Variants in TMEM175 observed in about 807,000 individuals in gnomAD.
TMEM175 encodes transmembrane protein 175.
In TMEM175, 36 loss-of-function variants were observed where a neutral mutation model predicts 36.5. The observed-to-expected ratio is 0.99, with a 90% CI of 0.76 to 1.30. TMEM175 has a LOEUF of 1.30. Among genes scored for constraint, TMEM175 ranks in the 50% most tolerant of loss-of-function variants. TMEM175 has a pLI of 0.00. For synonymous variants in TMEM175, 339 were observed against 313.4 expected (o/e 1.08, Z -0.86); for missense variants, 705 against 692.8 (o/e 1.02, Z -0.20).
chr4:955,843 C>T lies in TMEM175; in HGVS notation c.795C>T (p.Ser265=), dbSNP rs756642140. ...GCAAGGAGCGCGTGGAAGCCTTCAG[C>T]GACGGAGTCTACGCCATCGTGGCCA... ...PLSKERVEAF[S]DGVYAIVATL... Residue 265 remains serine, a synonymous_variant, in exon 10 of 11, where the codon AGC becomes AGT. Coordinates refer to ENST00000264771, the MANE Select transcript of TMEM175 (RefSeq NM_032326.4). 2.5e-5 allele frequency: 40 copies of T among 1,613,978 alleles called. No homozygotes were observed. The highest frequency in any genetic ancestry group is 3.1e-5 in the Non-Finnish European group (37 of 1,180,020).
chr4:955,464 G>A lies in TMEM175; in HGVS notation c.687G>A (p.Trp229Ter). The change falls in exon 9 of 11, where the codon TGG becomes TGA. Residue 229 changes from tryptophan (W) to a stop codon, truncating the protein, a stop_gained. Transcript: ENST00000264771. LOFTEE classifies it high-confidence loss of function. ...CCTATGTCAGCAAGGTCACCGGCTG[G>A]TGCAGAGACAGGCTCCTGGGTAGGT... ...LLPYVSKVTG[W>*]CRDRLLGHRE... 1 of 1,614,126 alleles carries A rather than the reference G, an allele frequency of 6.2e-7. No homozygotes were observed. The highest frequency in any genetic ancestry group is 8.5e-7 in the Non-Finnish European group (1 of 1,179,996).
chr4:950,493 A>C lies in TMEM175; in HGVS notation c.265A>C (p.Thr89Pro), dbSNP rs1303330651. Residue 89 changes from threonine to proline, a missense_variant, in exon 4 of 11, where the codon ACA becomes CCA. Coordinates refer to ENST00000264771, the MANE Select transcript of TMEM175 (RefSeq NM_032326.4). ...AVYLMTFLIV[T>P]VAWAAHTRLF... ...CTACCTGATGACCTTTCTCATCGTG[A>C]CAGTGGCCTGGGCAGCACACACAAG... is the stretch of plus-strand genomic sequence containing the variant. 1 of 1,614,018 alleles carries C rather than the reference A, an allele frequency of 6.2e-7. No homozygotes were observed. The highest frequency in any genetic ancestry group is 8.5e-7 in the Non-Finnish European group (1 of 1,179,986).
At chr4:945,294 C>T (rs1727998162) in intron 1 of TMEM175, among the ~76,000 whole-genome samples, 1 of 151,430 alleles carries the variant, frequency 6.6e-6, no homozygotes. Context: ...TTCCCCAGGC[C>T]CCCGCCGTCT....
At chr4:957,065 G>A (rs1238123389) in intron 10 of TMEM175, among the ~76,000 whole-genome samples, 3 of 152,318 alleles carry the variant, frequency 2.0e-5, no homozygotes, top group Middle Eastern at 3.4e-3. Context: ...GCGTGGGGCC[G>A]GGACAGTGAC....
chr4:933,946 A>G (rs1044032957), intron 1 of TMEM175, among the ~76,000 whole-genome samples: 1 of 152,236 alleles, frequency 6.6e-6, no homozygotes, highest in Non-Finnish European at 1.5e-5. Flanking sequence ...TGCTTACAAC[A>G]CCCTTTTCTG....
chr4:958,039 G>T lies in TMEM175; in HGVS notation c.1058G>T (p.Gly353Val). The T allele has an allele frequency of 6.2e-7, 1 of 1,611,244 alleles. No homozygotes were observed. The highest frequency in any genetic ancestry group is 1.6e-4 in the Middle Eastern group (1 of 6,062). The change falls in exon 11 of 11, where the codon GGT (glycine) becomes GTT (valine). Residue 353 changes from glycine (G) to valine (V), a missense_variant. By Grantham distance (109) the Gly-to-Val change is moderately radical (BLOSUM62 -3). Coordinates refer to ENST00000264771, the MANE Select transcript of TMEM175 (RefSeq NM_032326.4). Reference protein sequence around the residue: ...LLNTLSLAFVGGLPLAYQQTS... With the variant: ...LLNTLSLAFVVGLPLAYQQTS... ...AACACGCTCTCGCTGGCCTTCGTGG[G>T]TGGCCTCCCACTAGCCTACCAGCAG...
chr4:943,377 G>A (rs1380018274), intron 1 of TMEM175, among the ~76,000 whole-genome samples: 6 of 152,040 alleles, frequency 3.9e-5, no homozygotes, highest in Admixed American at 2.0e-4. Flanking sequence ...TCAGCCTCCC[G>A]AGTAGCTGGG....
rs1294862444 is a variant in TMEM175 at position 958,347 on chromosome 4, C to T, written c.1366C>T (p.Pro456Ser). ...GIFHLMQIAVPCAFLLLRLLV... is the reference protein window; with the variant it reads ...GIFHLMQIAVSCAFLLLRLLV... ...CTTCCACCTCATGCAGATCGCCGTG[C>T]CCTGCGCCTTCCTGTTGCTGCGCCT... The change falls in exon 11 of 11, where the codon CCC (proline) becomes TCC (serine). Residue 456 changes from proline to serine, a missense_variant. Pro to Ser is a moderately conservative substitution (Grantham distance 74). Coordinates refer to ENST00000264771, the MANE Select transcript of TMEM175 (RefSeq NM_032326.4). The T allele has an allele frequency of 4.4e-6, 7 of 1,604,144 alleles. No individual in the cohort carries two copies. The African/African-American group carries it at 6.7e-5, about 15-fold the overall frequency.
chr4:949,731 CG>C (rs1728625970), intron 3 of TMEM175, among the ~76,000 whole-genome samples: 1 of 151,724 alleles, frequency 6.6e-6, no homozygotes, highest in South Asian at 2.1e-4. Flanking sequence ...GCGAGGGCCC[CG>C]GTGCCTCCAC....
chr4:933,376 G>A (rs1039861180), intron 1 of TMEM175, among the ~76,000 whole-genome samples: 1 of 152,012 alleles, frequency 6.6e-6, no homozygotes, highest in African/African-American at 2.4e-5. Context: ...GCGTGGTGGC[G>A]GGTGCCTGTA....
chr4:955,335 G>A, intron 8 of TMEM175, 70 bp from the exon 9 acceptor site: 3 of 1,266,510 alleles, frequency 2.4e-6, no homozygotes, highest in Admixed American at 3.4e-5. Flanking sequence ...TTGGCACACA[G>A]CTTTGTGTGG....
intron 1 of TMEM175, among the ~76,000 whole-genome samples, chr4:937,330 G>A (rs770698961): frequency 1.4e-4 from 21 of 152,114 alleles, no homozygotes; most frequent in Admixed American, 1.3e-4. Flanking sequence ...TTGGGAGGCC[G>A]AGGCAGGTGG....
intron 1 of TMEM175, among the ~76,000 whole-genome samples, chr4:937,295 A>G (rs2152996425): frequency 6.6e-6 from 1 of 152,162 alleles, no homozygotes; most frequent in South Asian, 2.1e-4. Flanking sequence ...TGGGCACAGT[A>G]GCTCATGCCT....
intron 3 of TMEM175, among the ~76,000 whole-genome samples, chr4:950,179 G>A (rs547377675): frequency 5.9e-5 from 9 of 152,076 alleles, no homozygotes; most frequent in African/African-American, 2.2e-4. Flanking sequence ...GGTGGGGGCT[G>A]GAGGGGTGGG....
At chr4:940,282 T>C (rs376605394) in intron 1 of TMEM175, among the ~76,000 whole-genome samples, 11 of 151,736 alleles carry the variant, frequency 7.2e-5, no homozygotes, top group African/African-American at 2.4e-4. Context: ...AGCCCCACCT[T>C]TACTAAAAAT....
chr4:951,863 G>C, intron 6 of TMEM175, 146 bp downstream of exon 6: 1 of 852,408 alleles, frequency 1.2e-6, no homozygotes. Context: ...AGAGCCAGCT[G>C]TTGGGCTGTT....
chr4:947,944 AC>A, intron 2 of TMEM175, 52 bp downstream of exon 2: 1 of 1,613,216 alleles, frequency 6.2e-7, no homozygotes, highest in Non-Finnish European at 8.5e-7. Flanking sequence ...CTCTCGAGGC[AC>A]TGCCCAGCCC....
intron 7 of TMEM175, 108 bp from the exon 8 acceptor site, chr4:953,082 C>T (rs1287598729): frequency 1.6e-6 from 2 of 1,239,918 alleles, no homozygotes; most frequent in Non-Finnish European, 2.2e-6. Flanking sequence ...CCAGGTCCTC[C>T]CCACCTCGAG....
chr4:954,849 C>T (rs760354912), intron 8 of TMEM175, among the ~76,000 whole-genome samples: 1 of 152,180 alleles, frequency 6.6e-6, no homozygotes, highest in African/African-American at 2.4e-5. Flanking sequence ...TATGAAGAAT[C>T]TCGTTGTGGT....
Sources: gnomAD v4.1 joint callset for allele counts (sites outside exome capture counted in the v4.1 genomes callset) on GRCh38, gnomAD v4.1.1 for gene constraint, MANE v1.5 for transcripts, NCBI Gene and HGNC (gene_info 2026-07-23, HGNC 2026-07-21) for gene names.